The following ANKRD44 variants were observed in gnomAD, a reference collection of about 807,000 sequenced individuals.
ANKRD44 encodes ankyrin repeat domain 44, also known as serine/threonine-protein phosphatase 6 regulatory ankyrin repeat subunit B.
ANKRD44 carries 35 observed loss-of-function variants against 116.0 expected under a neutral mutation model. That is an observed-to-expected ratio of 0.30 (90% CI 0.23 to 0.40). ANKRD44 has a LOEUF of 0.40. Ranked by LOEUF, ANKRD44 falls within the 10% of genes least tolerant of loss-of-function variation. ANKRD44 has a pLI of 1.00. For missense variants in ANKRD44, 1,014 were observed against 1,242.6 expected (o/e 0.82, Z 2.77); for synonymous variants, 435 against 461.8 (o/e 0.94, Z 0.74).
chr2:197,199,494 T>C, intron 1 of ANKRD44, among the ~76,000 whole-genome samples: 1 of 152,228 alleles, frequency 6.6e-6, no homozygotes, highest in East Asian at 1.9e-4. Context: ...AAAAACTTAA[T>C]AACCTTTCCT....
In ANKRD44 at chr2:197,263,272, C is replaced by T. The variant is rs899017811; in HGVS notation, c.27+47306G>A. 5.0e-6 allele frequency: 3 copies of T among 598,354 alleles called. No homozygotes were observed. The African/African-American group carries it at 5.7e-5, about 11-fold the overall frequency. 37.1% of individuals were successfully genotyped at this position (598,354 alleles called of 1,614,324 possible). A position where few individuals can be genotyped will look rare whatever the true frequency, so the allele number is the denominator to read the frequency against. On this transcript the variant is annotated intron_variant, in intron 1 of 27. Transcript: ENST00000282272. The stretch of plus-strand genomic sequence containing the variant: ...TCTCACGTCCCCTTACCTCACTTGT[C>T]CCTGGCCGCAGCTTGGAAAGCAGCG...
chr2:197,227,317 T>C (rs925735249), intron 1 of ANKRD44, among the ~76,000 whole-genome samples: 2 of 152,226 alleles, frequency 1.3e-5, no homozygotes, highest in Admixed American at 6.5e-5. Flanking sequence ...AGCTTTGCTT[T>C]CAGCAATAGC....
At chr2:197,167,616 G>A (rs2080129031) in intron 2 of ANKRD44, among the ~76,000 whole-genome samples, 1 of 152,172 alleles carries the variant, frequency 6.6e-6, no homozygotes, top group African/African-American at 2.4e-5. Flanking sequence ...CAGGGGTTTT[G>A]GGAAATCTAC....
intron 8 of ANKRD44, among the ~76,000 whole-genome samples, chr2:197,117,382 G>C (rs2078737359): frequency 6.6e-6 from 1 of 152,192 alleles, no homozygotes; most frequent in Admixed American, 6.5e-5. Context: ...TGGGATTACA[G>C]GCATGCGCCA....
intron 16 of ANKRD44, among the ~76,000 whole-genome samples, chr2:197,062,244 T>G (rs575686360): frequency 2.0e-5 from 3 of 152,258 alleles, no homozygotes; most frequent in Non-Finnish European, 4.4e-5. Flanking sequence ...TAATGGAGCC[T>G]AGGAAAAACA....
chr2:197,058,078 T>A (rs2077238080), intron 16 of ANKRD44, among the ~76,000 whole-genome samples: 1 of 152,190 alleles, frequency 6.6e-6, no homozygotes, highest in Non-Finnish European at 1.5e-5. Flanking sequence ...TAGTAAGCAA[T>A]ACCCGGTATA....
In ANKRD44 at chr2:197,220,767, A is replaced by T. The variant is rs1392718667; in HGVS notation, c.28-33661T>A. 3.9e-5 allele frequency among the ~76,000 whole-genome samples: 6 copies of T among 152,226 alleles called. No individual in the cohort carries two copies. The East Asian group carries it at 1.2e-3, about 29-fold the overall frequency. On this transcript the variant is annotated intron_variant, in intron 1 of 27. Transcript: ENST00000282272. ...AAATCAGCATTAAAACCTCTGAGAC[A>T]TTTAACAGCCTTTATTAAAGGGGCA...
intron 2 of ANKRD44, among the ~76,000 whole-genome samples, chr2:197,176,205 A>C (rs2080360342): frequency 6.6e-6 from 1 of 152,198 alleles, no homozygotes; most frequent in Non-Finnish European, 1.5e-5. Context: ...CTATCTCTGG[A>C]CTTGCACATG....
chr2:197,035,896 T>C (rs753684538), intron 16 of ANKRD44, among the ~76,000 whole-genome samples: 3 of 152,054 alleles, frequency 2.0e-5, no homozygotes, highest in Non-Finnish European at 2.9e-5. Flanking sequence ...GGAGATCCCA[T>C]AGGCCTTTTG....
chr2:197,170,445 C>G (rs1421664720), intron 2 of ANKRD44, among the ~76,000 whole-genome samples: 1 of 152,188 alleles, frequency 6.6e-6, no homozygotes, highest in East Asian at 1.9e-4. Context: ...CTGAGAAACA[C>G]ACTTTGGAAA....
chr2:197,062,714 C>T (rs1382614542), intron 16 of ANKRD44, among the ~76,000 whole-genome samples: 1 of 152,238 alleles, frequency 6.6e-6, no homozygotes, highest in Non-Finnish European at 1.5e-5. Flanking sequence ...CAAAGCCTCA[C>T]TCATTGCTAG....
intron 16 of ANKRD44, among the ~76,000 whole-genome samples, chr2:197,050,745 T>C (rs1474461246): frequency 6.6e-6 from 1 of 152,120 alleles, no homozygotes; most frequent in Non-Finnish European, 1.5e-5. Flanking sequence ...TATCTTTTAT[T>C]GCAATCAAAA....
intron 12 of ANKRD44, among the ~76,000 whole-genome samples, chr2:197,087,210 A>T (rs556609669): frequency 4.3e-4 from 65 of 152,320 alleles, no homozygotes; most frequent in Middle Eastern, 3.4e-3. Context: ...CTTTCAACCC[A>T]GATACTCCTT....
At chr2:197,039,142 C>T (rs1296621420) in intron 16 of ANKRD44, among the ~76,000 whole-genome samples, 4 of 152,188 alleles carry the variant, frequency 2.6e-5, no homozygotes, top group Non-Finnish European at 5.9e-5. Flanking sequence ...GGTGCCAATA[C>T]TTTCCTATAA....
At chr2:197,272,572 T>C (rs1559206662) in intron 1 of ANKRD44, among the ~76,000 whole-genome samples, 1 of 152,234 alleles carries the variant, frequency 6.6e-6, no homozygotes, top group African/African-American at 2.4e-5. Context: ...GTTGATATTT[T>C]GTTTTAGCAG....
At chr2:197,200,401 C>T (rs1369990317) in intron 1 of ANKRD44, among the ~76,000 whole-genome samples, 1 of 152,152 alleles carries the variant, frequency 6.6e-6, no homozygotes, top group Non-Finnish European at 1.5e-5. Flanking sequence ...GGGCACAGCA[C>T]TGACTTTAGA....
chr2:197,224,938 G>A (rs929605183), intron 1 of ANKRD44, among the ~76,000 whole-genome samples: 2 of 152,198 alleles, frequency 1.3e-5, no homozygotes, highest in Non-Finnish European at 2.9e-5. Context: ...GTTCCTCATG[G>A]ATACAGATGG....
At chr2:196,982,703 G>A (rs1421959975), downstream of ANKRD44, among the ~76,000 whole-genome samples, 1 of 152,102 alleles carries the variant, frequency 6.6e-6, no homozygotes, top group African/African-American at 2.4e-5. Flanking sequence ...ATATTTACTT[G>A]TCTAGGCTAT....
At chr2:197,144,447 TA>T (rs763548633) in intron 3 of ANKRD44, among the ~76,000 whole-genome samples, 11 of 152,240 alleles carry the variant, frequency 7.2e-5, no homozygotes, top group Non-Finnish European at 1.3e-4. Context: ...GCTCTTGCAA[TA>T]TTATGAACTT....
Sources: gnomAD v4.1 joint callset for allele counts (sites outside exome capture counted in the v4.1 genomes callset) on GRCh38, gnomAD v4.1.1 for gene constraint, MANE v1.5 for transcripts, NCBI Gene and HGNC (gene_info 2026-07-23, HGNC 2026-07-21) for gene names.